Variants in ARID1B observed in about 807,000 individuals in gnomAD.
The protein encoded by ARID1B is AT-rich interactive domain-containing protein 1B.
ARID1B carries 30 observed loss-of-function variants against 212.3 expected under a neutral mutation model. The observed-to-expected ratio is 0.14, with a 90% CI of 0.11 to 0.19. ARID1B has a LOEUF of 0.19. Ranked by LOEUF, ARID1B falls within the 10% of genes least tolerant of loss-of-function variation. ARID1B has a pLI of 1.00. For synonymous variants in ARID1B, 1,402 were observed against 1,301.7 expected, an observed-to-expected ratio of 1.08 and a Z score of -1.66; for missense variants, 2,891 against 3,204.0, an observed-to-expected ratio of 0.90 and a Z score of 2.36.
In ARID1B at chr6:157,149,413, G is replaced by A. The variant is rs141049499; in HGVS notation, c.3089+462G>A. 8.8e-3 allele frequency: 1,460 copies of A among 165,540 alleles called. 25 individuals are homozygous for A. Among genetic ancestry groups the A allele is most frequent in the African/African-American group, 0.032 (1,374 of 42,318 alleles). The allele number at this position is 165,540 out of a possible 1,614,324, so 10.3% of individuals were successfully genotyped here. A position where few individuals can be genotyped will look rare whatever the true frequency, so the allele number is the denominator to read the frequency against. On this transcript the variant is annotated intron_variant, in intron 8 of 19. Coordinates refer to ENST00000636930, the MANE Select transcript of ARID1B (RefSeq NM_001374828.1). ...ATACAAACTTCGTATGTATACATAC[G>A]TGTATTGTGTGTTTGTCTAAATGTA...
chr6:157,061,808 T>C (rs1219170854), intron 4 of ARID1B, among the ~76,000 whole-genome samples: 1 of 152,216 alleles, frequency 6.6e-6, no homozygotes, highest in Non-Finnish European at 1.5e-5. Context: ...CCACCCTTTG[T>C]GTATTTTTTC....
chr6:157,186,591 G>A (rs1341060452), intron 13 of ARID1B: 1 of 460,694 alleles, frequency 2.2e-6, no homozygotes, highest in Non-Finnish European at 4.5e-6. Flanking sequence ...CATTTTTGTT[G>A]TTAAAGGAAA....
intron 4 of ARID1B, among the ~76,000 whole-genome samples, chr6:157,027,922 T>A: frequency 6.6e-6 from 1 of 152,226 alleles, no homozygotes; most frequent in Non-Finnish European, 1.5e-5. Flanking sequence ...TTCCGTTGAT[T>A]TATCCAGGTA....
At chr6:157,192,133 G>A (rs1464319714) in intron 15 of ARID1B, among the ~76,000 whole-genome samples, 1 of 152,096 alleles carries the variant, frequency 6.6e-6, no homozygotes, top group Non-Finnish European at 1.5e-5. Flanking sequence ...CATAAGCTTA[G>A]AATTTCAAAA....
intron 2 of ARID1B, among the ~76,000 whole-genome samples, chr6:156,891,351 T>C (rs9371445): frequency 0.28 from 42,793 of 152,120 alleles, 6,185 homozygotes; most frequent in Non-Finnish European, 0.33. Context: ...AAATCTGTGA[T>C]GAAAAACAAA....
chr6:156,789,176 G>A (rs947000147), intron 1 of ARID1B, among the ~76,000 whole-genome samples: 2 of 152,234 alleles, frequency 1.3e-5, no homozygotes, highest in African/African-American at 4.8e-5. Flanking sequence ...TGGAAGGTCA[G>A]TGTACTTGGA....
chr6:157,169,345 CTG>C (rs1217048654), intron 9 of ARID1B: 1 of 152,190 alleles, frequency 6.6e-6, no homozygotes, highest in Non-Finnish European at 1.5e-5. Flanking sequence ...GTTCAAACAA[CTG>C]TGTTGTAGAC....
chr6:156,779,125 C>A lies in ARID1B; in HGVS notation c.1445C>A (p.Ala482Glu). Residue 482 changes from alanine (A) to glutamate (E), a missense_variant, in exon 1 of 20, where the codon GCG becomes GAG. Physicochemically the swap from Ala to Glu is moderately radical, Grantham distance 107 (BLOSUM62 -1). Around this residue, in one of 7 missense-constraint regions of ARID1B, gnomAD observed 1,643 missense variants for 1,544.0 expected, o/e 1.06. Coordinates refer to ENST00000636930, the MANE Select transcript of ARID1B (RefSeq NM_001374828.1). Reference protein sequence around the residue: ...SLSKAAAGSAAGGFQRFAGQN... With the variant: ...SLSKAAAGSAEGGFQRFAGQN... ...AGCAAGGCGGCCGCCGGCTCGGCGG[C>A]GGGGGGCTTCCAGCGCTTCGCCGGC... 8.1e-7 allele frequency: 1 copy of A among 1,240,918 alleles called. No homozygotes were observed. 76.9% of individuals were successfully genotyped at this position (1,240,918 alleles called of 1,614,324 possible).
intron 4 of ARID1B, among the ~76,000 whole-genome samples, chr6:156,945,256 TTTTTTTTTTTTTG>T (rs1366176689): frequency 8.2e-5 from 10 of 121,806 alleles, no homozygotes; most frequent in Admixed American, 1.6e-4. Flanking sequence ...TTTTTTTTTT[TTTTTTTTTTTTTG>T]TGAGTGTTTA....
intron 1 of ARID1B, among the ~76,000 whole-genome samples, chr6:156,787,274 GGT>G (rs1338927314): frequency 1.3e-5 from 2 of 152,178 alleles, no homozygotes; most frequent in East Asian, 3.9e-4. Context: ...GGGTATTTTT[GGT>G]AACTGTTTAG....
At chr6:156,820,657 A>C (rs1782289168) in intron 1 of ARID1B, among the ~76,000 whole-genome samples, 1 of 152,362 alleles carries the variant, frequency 6.6e-6, no homozygotes, top group Non-Finnish European at 1.5e-5. Flanking sequence ...TACCTAGCTA[A>C]TAAGCAGCAC....
intron 7 of ARID1B, among the ~76,000 whole-genome samples, chr6:157,144,058 C>T (rs186979738): frequency 2.6e-5 from 4 of 152,316 alleles, no homozygotes; most frequent in South Asian, 2.1e-4. Flanking sequence ...GACCAGCTGC[C>T]GAACTGGGCA....
chr6:157,195,369 A>T (rs1033279305), intron 15 of ARID1B: 1 of 152,094 alleles, frequency 6.6e-6, no homozygotes, highest in African/African-American at 2.4e-5. Context: ...TCTTCTGCCC[A>T]CCTTCCCTAA....
At chr6:157,205,055 G>C (rs112804685) in intron 19 of ARID1B, 3 of 152,120 alleles carry the variant, frequency 2.0e-5, no homozygotes, top group African/African-American at 7.2e-5. Flanking sequence ...AGAGTAATGC[G>C]CTTTCATCCT....
intron 3 of ARID1B, among the ~76,000 whole-genome samples, chr6:156,908,594 C>G (rs1222827240): frequency 6.6e-6 from 1 of 151,598 alleles, no homozygotes. Flanking sequence ...CAAGTGAATG[C>G]TTACTTTATT....
chr6:156,804,945 A>G (rs1354353892), intron 1 of ARID1B, among the ~76,000 whole-genome samples: 1 of 152,084 alleles, frequency 6.6e-6, no homozygotes, highest in Non-Finnish European at 1.5e-5. Flanking sequence ...TTAAAATATA[A>G]AATTTAAAGA....
chr6:156,999,503 C>G (rs1778792458), intron 4 of ARID1B, among the ~76,000 whole-genome samples: 2 of 152,256 alleles, frequency 1.3e-5, no homozygotes, highest in South Asian at 4.1e-4. Flanking sequence ...ACAAGAGCTG[C>G]TGTCACATGG....
At chr6:156,875,497 T>C (rs1225016964) in intron 2 of ARID1B, among the ~76,000 whole-genome samples, 2 of 152,266 alleles carry the variant, frequency 1.3e-5, no homozygotes, top group Non-Finnish European at 2.9e-5. Context: ...TGACCAGCTG[T>C]ATTCGATTCT....
intron 2 of ARID1B, among the ~76,000 whole-genome samples, chr6:156,841,013 C>T (rs1247827816): frequency 6.6e-6 from 1 of 152,150 alleles, no homozygotes; most frequent in Non-Finnish European, 1.5e-5. Context: ...AAGAAAGTCC[C>T]CAAGTAGTTA....
Sources: gnomAD v4.1 joint callset for allele counts (sites outside exome capture counted in the v4.1 genomes callset) on GRCh38, gnomAD v4.1.1 for gene constraint, gnomAD v4.1.1 regional missense constraint, MANE v1.5 for transcripts, NCBI Gene and HGNC (gene_info 2026-07-23, HGNC 2026-07-21) for gene names.